The following CBFA2T3 variants were observed in gnomAD, a reference collection of about 807,000 sequenced individuals.
CBFA2T3 encodes CBFA2/RUNX1 partner transcriptional co-repressor 3, also known as transcriptional corepressor CBFA2T3.
In CBFA2T3, 31 loss-of-function variants were observed where a neutral mutation model predicts 58.6. That is an observed-to-expected ratio of 0.53 (90% CI 0.40 to 0.71). The LOEUF is 0.71. CBFA2T3 is among the 30% of genes least tolerant of loss of function. The pLI is 0.00. For synonymous variants in CBFA2T3, 531 were observed against 421.9 expected (o/e 1.26, Z -3.17); for missense variants, 1,076 against 963.1 (o/e 1.12, Z -1.55).
intron 1 of CBFA2T3, among the ~76,000 whole-genome samples, chr16:88,959,087 C>A (rs1018124544): frequency 6.6e-6 from 1 of 152,196 alleles, no homozygotes; most frequent in African/African-American, 2.4e-5. Flanking sequence ...CCTCGCGATG[C>A]CAAGGTCCCA....
rs1969181246 is a variant in CBFA2T3 at position 88,882,777 on chromosome 16, G to A, written c.1118-16C>T. On this transcript the variant is annotated splice_polypyrimidine_tract_variant and intron_variant, in intron 7 of 11. Coordinates refer to ENST00000268679, the MANE Select transcript of CBFA2T3 (RefSeq NM_005187.6). ...CCAGGCACCACTGTGGATGGGGGAG[G>A]TGCACGCTTAGGTCCCACCCACAGC... 1.3e-6 allele frequency: 2 copies of A among 1,531,388 alleles called. No homozygotes were observed. Among genetic ancestry groups the A allele is most frequent in the South Asian group, 2.4e-5 (2 of 84,526 alleles). The allele number at this position is 1,531,388 out of a possible 1,614,324, so 94.9% of individuals were successfully genotyped here.
intron 1 of CBFA2T3, among the ~76,000 whole-genome samples, chr16:88,970,264 G>C (rs908529353): frequency 2.6e-5 from 4 of 152,320 alleles, no homozygotes; most frequent in African/African-American, 9.6e-5. Context: ...CCAGGGGTCG[G>C]CGACGCGGGT....
chr16:88,921,195 C>G (rs1970907142), intron 1 of CBFA2T3, among the ~76,000 whole-genome samples: 1 of 152,248 alleles, frequency 6.6e-6, no homozygotes. Flanking sequence ...GTTTTACAAG[C>G]CTGCCTCTGC....
At chr16:88,889,378 G>A (rs980094863) in intron 5 of CBFA2T3, among the ~76,000 whole-genome samples, 3 of 129,148 alleles carry the variant, frequency 2.3e-5, no homozygotes, top group Non-Finnish European at 5.0e-5. Context: ...GAGGGAGGGA[G>A]GGCAGGAAAA....
intron 1 of CBFA2T3, among the ~76,000 whole-genome samples, chr16:88,968,090 C>T (rs1384874202): frequency 6.6e-6 from 1 of 152,244 alleles, no homozygotes; most frequent in Non-Finnish European, 1.5e-5. Context: ...CATGTGACCA[C>T]AGGGCTTTGA....
intron 3 of CBFA2T3, among the ~76,000 whole-genome samples, chr16:88,894,596 GCACACAATGTA>G (rs1183231821): frequency 2.1e-5 from 3 of 143,840 alleles, no homozygotes; most frequent in Non-Finnish European, 4.4e-5. Context: ...ATATACACAT[GCACACAATGTA>G]CACACATGCA....
intron 1 of CBFA2T3, among the ~76,000 whole-genome samples, chr16:88,964,742 C>T (rs2142870731): frequency 6.6e-6 from 1 of 152,136 alleles, no homozygotes; most frequent in South Asian, 2.1e-4. Context: ...CACCCACCAA[C>T]CCATCTATCC....
chr16:88,892,437 C>T lies in CBFA2T3; in HGVS notation c.428G>A (p.Cys143Tyr), dbSNP rs1007427010. 1 of 1,613,472 alleles carries T rather than the reference C, an allele frequency of 6.2e-7. No homozygotes were observed. The highest frequency in any genetic ancestry group is 8.5e-7 in the Non-Finnish European group (1 of 1,180,004). The change falls in exon 4 of 12, where the codon TGC becomes TAC. Residue 143 changes from cysteine (C) to tyrosine (Y), a missense_variant. Cys to Tyr is a radical substitution (Grantham distance 194, BLOSUM62 -2). Coordinates refer to ENST00000268679, the MANE Select transcript of CBFA2T3 (RefSeq NM_005187.6). ...GCCATTGCTGAAGCCGTTGGGTGTG[C>T]ACGGTGCACCATTGATGGCTGTTGG... ...HSPTAINGAPCTPNGFSNGPA... is the reference protein window; with the variant it reads ...HSPTAINGAPYTPNGFSNGPA...
At position 88,881,413 on chromosome 16, in the gene CBFA2T3, T is replaced by C. The variant is rs775535175; in HGVS notation, c.1280A>G (p.Asp427Gly). Residue 427 changes from aspartate (D) to glycine (G), a missense_variant, in exon 9 of 12, where the codon GAC (aspartate) becomes GGC (glycine). Transcript: ENST00000268679. ...LTVLRRCQEA[D>G]REELNHWARR... ...CGCCCAGTGGTTGAGCTCCTCGCGG[T>C]CGGCCTCCTGGCACCTGCGCAGCAC... 8 of 1,608,114 alleles carry C rather than the reference T, an allele frequency of 5.0e-6. 1 individual carries two copies. In the South Asian group the frequency reaches 8.8e-5, roughly 18 times the overall value.
chr16:88,909,058 C>T (rs983484272), intron 1 of CBFA2T3, among the ~76,000 whole-genome samples: 1 of 152,182 alleles, frequency 6.6e-6, no homozygotes, highest in African/African-American at 2.4e-5. Context: ...GACCACAGGC[C>T]CCAGGCAGGG....
chr16:88,925,884 C>T (rs549475983), intron 1 of CBFA2T3, among the ~76,000 whole-genome samples: 3 of 152,328 alleles, frequency 2.0e-5, no homozygotes, highest in Non-Finnish European at 4.4e-5. Context: ...ATCCTCTCTA[C>T]GCCAGACGCC....
intron 1 of CBFA2T3, among the ~76,000 whole-genome samples, chr16:88,974,349 C>T (rs1488703366): frequency 1.3e-5 from 2 of 152,140 alleles, no homozygotes; most frequent in Non-Finnish European, 2.9e-5. Flanking sequence ...AGTGAGGATC[C>T]AGACCCTCCG....
chr16:88,976,957 A>C lies in CBFA2T3; in HGVS notation c.-150T>G, dbSNP rs1395402615. The C allele has an allele frequency of 1.0e-6, 1 of 955,920 alleles. No homozygotes were observed. Among genetic ancestry groups the C allele is most frequent in the African/African-American group, 1.6e-5 (1 of 60,786 alleles). The allele number at this position is 955,920 out of a possible 1,614,324, so 59.2% of individuals were successfully genotyped here. On this transcript the variant is annotated 5_prime_UTR_variant, in exon 1 of 12. Coordinates refer to ENST00000268679, the MANE Select transcript of CBFA2T3 (RefSeq NM_005187.6). Reference sequence around the variant, plus strand: ...TTGGGCCTCTGTCCCTGGAAAGCCGAGGCCCTCCCGGCCACCAACTGGGTG... The same window carrying C: ...TTGGGCCTCTGTCCCTGGAAAGCCGCGGCCCTCCCGGCCACCAACTGGGTG...
chr16:88,901,691 C>G (rs773881879), intron 1 of CBFA2T3, 35 bp from the exon 2 acceptor site: 2 of 1,512,974 alleles, frequency 1.3e-6, no homozygotes, highest in African/African-American at 1.5e-5. Flanking sequence ...GTCGGTGAAG[C>G]AGGCTAAGTG....
At chr16:88,933,113 T>C (rs1971373067) in intron 1 of CBFA2T3, among the ~76,000 whole-genome samples, 1 of 152,218 alleles carries the variant, frequency 6.6e-6, no homozygotes, top group African/African-American at 2.4e-5. Flanking sequence ...AGGCCCTCAG[T>C]GTGCAAGTCA....
rs371636895 is a variant in CBFA2T3 at position 88,880,869 on chromosome 16, C to A, written c.1403-81G>T. ...TGGGGCCCTCCCCACCCTGGCTGGG[C>A]CCTGAGTGCAGGGCGTGAGTGTGTG... On this transcript the variant is annotated intron_variant, in intron 9 of 11. Coordinates refer to ENST00000268679, the MANE Select transcript of CBFA2T3 (RefSeq NM_005187.6). The A allele has an allele frequency of 1.1e-4, 149 of 1,321,626 alleles. 1 individual carries two copies. The East Asian group carries it at 1.1e-3, about 10-fold the overall frequency. The allele number at this position is 1,321,626 out of a possible 1,614,324, so 81.9% of individuals were successfully genotyped here.
intron 1 of CBFA2T3, among the ~76,000 whole-genome samples, chr16:88,963,539 T>C (rs1972421654): frequency 6.6e-6 from 1 of 152,104 alleles, no homozygotes; most frequent in Non-Finnish European, 1.5e-5. Context: ...GCTGTCACTG[T>C]CTTCTCCACA....
intron 1 of CBFA2T3, among the ~76,000 whole-genome samples, chr16:88,925,000 T>C (rs562703745): frequency 6.6e-6 from 1 of 152,350 alleles, no homozygotes; most frequent in African/African-American, 2.4e-5. Context: ...CCGGTCACCG[T>C]GGCCAAGCCC....
At chr16:88,920,335 G>A (rs1349117781) in intron 1 of CBFA2T3, among the ~76,000 whole-genome samples, 1 of 152,216 alleles carries the variant, frequency 6.6e-6, no homozygotes, top group African/African-American at 2.4e-5. Flanking sequence ...GAAGTGCAGA[G>A]GCATGATCTC....
Sources: allele counts gnomAD v4.1 joint callset (sites outside exome capture counted in the v4.1 genomes callset), GRCh38; gene constraint gnomAD v4.1.1; transcripts MANE v1.5; gene names NCBI Gene and HGNC (gene_info 2026-07-23, HGNC 2026-07-21).